MYT1L: variants seen among roughly 807,000 people sequenced by gnomAD.
The protein encoded by MYT1L is myelin transcription factor 1-like protein.
In MYT1L, 12 loss-of-function variants were observed where a neutral mutation model predicts 126.7. That is an observed-to-expected ratio of 0.09 (90% CI 0.06 to 0.15). The LOEUF (loss-of-function observed/expected upper bound fraction) is 0.15, where lower values mean the gene tolerates loss of function less well. MYT1L is among the 10% of genes least tolerant of loss of function. The probability of loss-of-function intolerance (pLI) is 1.00; values close to 1 mark genes in which losing one functional copy is unlikely to be tolerated. For synonymous variants in MYT1L, 541 were observed against 604.2 expected (o/e 0.90, Z 1.53); for missense variants, 979 against 1,585.2 (o/e 0.62, Z 6.49).
rs1433559420 is a variant in MYT1L at position 1,801,020 on chromosome 2, G to A, written c.3276+676C>T. 6.6e-6 allele frequency among the ~76,000 whole-genome samples: 1 copy of A among 152,212 alleles called. No individual in the cohort carries two copies. The highest frequency in any genetic ancestry group is 6.5e-5 in the Admixed American group (1 of 15,286). On this transcript the variant is annotated intron_variant, in intron 23 of 24. Coordinates refer to ENST00000647738, the MANE Select transcript of MYT1L (RefSeq NM_001303052.2). The surrounding 1 kb of genome is among the most constrained non-coding windows in gnomAD (Gnocchi z 4.2). ...TTCGGCGGGACCCTAACACAGCAAGGTGGGGGATGCCAGGCACAAGGCTCA... is the reference window on the plus strand; with the variant it reads ...TTCGGCGGGACCCTAACACAGCAAGATGGGGGATGCCAGGCACAAGGCTCA...
At chr2:2,202,786 T>C (rs1243706429) in intron 2 of MYT1L, among the ~76,000 whole-genome samples, 1 of 152,142 alleles carries the variant, frequency 6.6e-6, no homozygotes, top group African/African-American at 2.4e-5. Flanking sequence ...GCCAACATCA[T>C]CCTGATACCA....
chr2:2,273,920 C>T (rs890460614), intron 2 of MYT1L, among the ~76,000 whole-genome samples: 3 of 151,958 alleles, frequency 2.0e-5, no homozygotes, highest in African/African-American at 7.3e-5. Flanking sequence ...ATTTTGTCTC[C>T]ATTATTAAAA....
intron 3 of MYT1L, among the ~76,000 whole-genome samples, chr2:2,149,866 C>T (rs760034078): frequency 6.6e-6 from 1 of 152,130 alleles, no homozygotes; most frequent in African/African-American, 2.4e-5. Flanking sequence ...AACTCAACTG[C>T]CTTTTCCCTC....
chr2:1,833,680 G>A (rs2040475442), intron 21 of MYT1L, among the ~76,000 whole-genome samples: 1 of 152,182 alleles, frequency 6.6e-6, no homozygotes, highest in African/African-American at 2.4e-5. Flanking sequence ...ATGGCACCAC[G>A]TATGTGTGTG....
At chr2:1,827,947 T>G (rs77895288) in intron 21 of MYT1L, 6,112 of 152,294 alleles carry the variant, frequency 0.04, 145 homozygotes, top group East Asian at 0.066. Flanking sequence ...GCTGCATGCT[T>G]GCTGTGGACG....
rs549497457 is a variant in MYT1L at position 1,834,379 on chromosome 2, G to A, written c.3080+4770C>T. ...AGTGTATTTCTGTGCGCTTAGCTGT[G>A]TTCTTGCTGGGTATTCATATTATTA... is the stretch of plus-strand genomic sequence containing the variant. On this transcript the variant is annotated intron_variant, in intron 21 of 24. Transcript: ENST00000647738. 2.6e-5 allele frequency among the ~76,000 whole-genome samples: 4 copies of A among 152,332 alleles called. No homozygotes were observed. The South Asian group carries it at 8.3e-4, about 32-fold the overall frequency.
At chr2:2,052,830 G>A (rs923409535) in intron 4 of MYT1L, among the ~76,000 whole-genome samples, 26 of 152,262 alleles carry the variant, frequency 1.7e-4, no homozygotes, top group African/African-American at 4.3e-4. Flanking sequence ...GAACTGTGGC[G>A]ATAATGCACC....
intron 3 of MYT1L, among the ~76,000 whole-genome samples, chr2:2,099,622 T>C (rs186390986): frequency 6.6e-6 from 1 of 152,232 alleles, no homozygotes; most frequent in East Asian, 1.9e-4. Context: ...TACACACATT[T>C]ACTTAGCAAC....
At chr2:2,087,255 CT>C (rs1417557013) in intron 3 of MYT1L, among the ~76,000 whole-genome samples, 1 of 152,096 alleles carries the variant, frequency 6.6e-6, no homozygotes, top group Non-Finnish European at 1.5e-5. Context: ...TGCTTGTCTT[CT>C]TTTTTTAAAA....
chr2:2,219,479 C>A lies in MYT1L; in HGVS notation c.-420-46491G>T, dbSNP rs1356289026. Reference sequence around the variant, plus strand: ...GACGTGTACTAACATTCTTAAATATCTGCTAGCTGTAATAAAGAGATCAAT... The same window carrying A: ...GACGTGTACTAACATTCTTAAATATATGCTAGCTGTAATAAAGAGATCAAT... On this transcript the variant is annotated intron_variant, in intron 2 of 24. Transcript: ENST00000647738. Among the ~76,000 whole-genome samples, 5 of 152,208 alleles carry A rather than the reference C, an allele frequency of 3.3e-5. 1 individual carries two copies. The highest frequency in any genetic ancestry group is 2.6e-4 in the Admixed American group (4 of 15,290).
At position 1,811,271 on chromosome 2, in the gene MYT1L, A is replaced by T; in HGVS notation, c.3081-2104T>A. 6.6e-6 allele frequency: 1 copy of T among 151,964 alleles called. No homozygotes were observed. The highest frequency in any genetic ancestry group is 1.9e-4 in the East Asian group (1 of 5,188). 9.4% of individuals were successfully genotyped at this position (151,964 alleles called of 1,614,324 possible). ...ACCAGTATTTGTTGCTCATACCACA[A>T]CTCTGTGGCTGTGAACTGCTGTGTT... On this transcript the variant is annotated intron_variant, in intron 21 of 24. Coordinates refer to ENST00000647738, the MANE Select transcript of MYT1L (RefSeq NM_001303052.2). The surrounding 1 kb of genome is among the most constrained non-coding windows in gnomAD (Gnocchi z 4.4).
chr2:2,318,340 C>A (rs73912014), intron 1 of MYT1L, among the ~76,000 whole-genome samples: 5,481 of 152,254 alleles, frequency 0.036, 152 homozygotes, highest in African/African-American at 0.073. Context: ...TGTTGTCTCA[C>A]AAATTTGCCT....
chr2:1,903,784 G>A (rs2050655272), intron 13 of MYT1L, among the ~76,000 whole-genome samples: 2 of 152,172 alleles, frequency 1.3e-5, no homozygotes, highest in South Asian at 2.1e-4. Context: ...TGGACAATGA[G>A]GTAGGCTAGG....
At chr2:2,242,917 G>GGGTTCAGGAA (rs2094465631) in intron 2 of MYT1L, among the ~76,000 whole-genome samples, 1 of 152,200 alleles carries the variant, frequency 6.6e-6, no homozygotes, top group South Asian at 2.1e-4. Context: ...GAAGGATGCA[G>GGGTTCAGGAA]GGTTCAGGAA....
chr2:2,304,377 G>T lies in MYT1L; in HGVS notation c.-520-19874C>A, dbSNP rs138968901. Among the ~76,000 whole-genome samples the T allele has an allele frequency of 5.4e-3, 823 of 152,288 alleles. 7 individuals are homozygous for T. Among genetic ancestry groups the T allele is most frequent in the African/African-American group, 0.019 (784 of 41,564 alleles). On this transcript the variant is annotated intron_variant, in intron 1 of 24. Coordinates refer to ENST00000647738, the MANE Select transcript of MYT1L (RefSeq NM_001303052.2). ...GGATAAGAAGAGGCAGACCTCTGAA[G>T]GATAGGCAGGGCTTAGCAGGGGAAG...
At chr2:2,295,939 G>T (rs1336063748) in intron 1 of MYT1L, among the ~76,000 whole-genome samples, 1 of 141,418 alleles carries the variant, frequency 7.1e-6, no homozygotes, top group East Asian at 2.5e-4. Flanking sequence ...GGTTGGGGGG[G>T]AGGAGAGAGA....
chr2:1,964,460 A>G (rs1246228689), intron 8 of MYT1L, among the ~76,000 whole-genome samples: 1 of 152,240 alleles, frequency 6.6e-6, no homozygotes, highest in Non-Finnish European at 1.5e-5. Context: ...CAGTTTGTAC[A>G]AATCAGAACT....
At chr2:1,963,935 C>G (rs920729953) in intron 8 of MYT1L, among the ~76,000 whole-genome samples, 14 of 152,212 alleles carry the variant, frequency 9.2e-5, no homozygotes, top group African/African-American at 3.4e-4. Flanking sequence ...CCTCTAAGAA[C>G]CTTCCCTTCA....
intron 8 of MYT1L, among the ~76,000 whole-genome samples, chr2:1,965,932 G>A (rs11687359): frequency 0.056 from 8,607 of 152,338 alleles, 315 homozygotes; most frequent in South Asian, 0.1. Context: ...AGACAGTTAC[G>A]TGCCGGGTGG....
Sources: allele counts gnomAD v4.1 joint callset (sites outside exome capture counted in the v4.1 genomes callset), GRCh38; gene constraint gnomAD v4.1.1; non-coding constraint Gnocchi (gnomAD v3.1); transcripts MANE v1.5; gene names NCBI Gene and HGNC (gene_info 2026-07-23, HGNC 2026-07-21).